FGB: variants seen among roughly 807,000 people sequenced by gnomAD.
The protein encoded by FGB is beta-fibrinogen.
In FGB, 25 loss-of-function variants were observed where a neutral mutation model predicts 57.9. The ratio of observed to expected loss-of-function variants is 0.43; its 90% CI spans 0.31 to 0.60. The LOEUF is 0.60. Ranked by LOEUF, FGB falls within the 20% of genes least tolerant of loss-of-function variation. FGB has a pLI of 0.08. For synonymous variants in FGB, 203 were observed against 199.2 expected (o/e 1.02, Z -0.16); for missense variants, 536 against 598.4 (o/e 0.90, Z 1.09).
intron 7 of FGB, 27 bp downstream of exon 7, chr4:154,569,826 T>C: frequency 6.2e-7 from 1 of 1,613,080 alleles, no homozygotes; most frequent in South Asian, 1.1e-5. Flanking sequence ...TTGCTCCTGC[T>C]TTAAAAATCA....
chr4:154,568,339 A>G (rs779044500), intron 4 of FGB, 42 bp from the exon 5 acceptor site: 1 of 1,007,840 alleles, frequency 9.9e-7, no homozygotes. Flanking sequence ...CAAAGTAATT[A>G]TGTCATAAAC....
Position 154,566,013 on chromosome 4 carries a change from T to C in FGB, c.306+14T>C, listed in dbSNP as rs758050082. 20 of 1,610,798 alleles carry C rather than the reference T, an allele frequency of 1.2e-5. No homozygotes were observed. The Admixed American group carries it at 2.2e-4, about 17-fold the overall frequency. On this transcript the variant is annotated intron_variant, in intron 2 of 7. Coordinates refer to ENST00000302068, the MANE Select transcript of FGB (RefSeq NM_005141.5). The stretch of plus-strand genomic sequence containing the variant: ...GACCCAGACCTGGTGGGTGCACTGA[T>C]GTTTCTTGCAGTGGTGGCTCTCTCA...
intron 6 of FGB, 70 bp downstream of exon 6, chr4:154,569,377 A>G: frequency 6.2e-7 from 1 of 1,603,648 alleles, no homozygotes; most frequent in Non-Finnish European, 8.5e-7. Context: ...AAAAACATTC[A>G]TTGTTGGAAG....
In FGB at chr4:154,566,287, A is replaced by G. The variant is rs562550745; in HGVS notation, c.307-202A>G. On this transcript the variant is annotated intron_variant, in intron 2 of 7. Coordinates refer to ENST00000302068, the MANE Select transcript of FGB (RefSeq NM_005141.5). ...TAGTTGGTAAAATTTTCATAGCCCAATTATATTTTTTCTGGGGTAAGTAAT... is the reference window on the plus strand; with the variant it reads ...TAGTTGGTAAAATTTTCATAGCCCAGTTATATTTTTTCTGGGGTAAGTAAT... 9.9e-5 allele frequency among the ~76,000 whole-genome samples: 15 copies of G among 152,266 alleles called. No homozygotes were observed. In the East Asian group the frequency reaches 1.2e-3, roughly 12 times the overall value.
chr4:154,568,695 A>C (rs915259068), intron 5 of FGB, among the ~76,000 whole-genome samples: 15 of 68,906 alleles, frequency 2.2e-4, no homozygotes, highest in African/African-American at 8.5e-4. Context: ...AAAAAAAAAA[A>C]ATACCAAAAA....
chr4:154,568,414 C>T lies in FGB; in HGVS notation c.752C>T (p.Thr251Ile), dbSNP rs776988939. 18 of 1,605,306 alleles carry T rather than the reference C, an allele frequency of 1.1e-5. No individual in the cohort carries two copies. The East Asian group carries it at 3.3e-4, about 30-fold the overall frequency. Residue 251 changes from threonine (T) to isoleucine (I), a missense_variant, in exon 5 of 8, where the codon ACA (threonine) becomes ATA (isoleucine). Around this residue, in one of 3 missense-constraint regions of FGB, gnomAD observed 354 missense variants for 383.4 expected, o/e 0.92. Coordinates refer to ENST00000302068, the MANE Select transcript of FGB (RefSeq NM_005141.5). ...CEEIIRKGGE[T>I]SEMYLIQPDS... ...GAAATTATCAGGAAAGGAGGTGAAACATCTGAAATGTATCTCATTCAACCT... is the reference window on the plus strand; with the variant it reads ...GAAATTATCAGGAAAGGAGGTGAAATATCTGAAATGTATCTCATTCAACCT...
At chr4:154,567,043 T>C (rs1321647125) in intron 3 of FGB, among the ~76,000 whole-genome samples, 1 of 152,212 alleles carries the variant, frequency 6.6e-6, no homozygotes, top group Non-Finnish European at 1.5e-5. Context: ...TTGTGGATAA[T>C]GACACCTAAC....
At position 154,571,100 on chromosome 4, in the gene FGB, T is replaced by A. The variant is rs183181144; in HGVS notation, c.*450T>A. On this transcript the variant is annotated 3_prime_UTR_variant, in exon 8 of 8. Coordinates refer to ENST00000302068, the MANE Select transcript of FGB (RefSeq NM_005141.5). ...CTGTTGCAATAAGTTAATGTTTTCT[T>A]GTTTTGTAATCCACACATTCAATGA... is the stretch of plus-strand genomic sequence containing the variant. The A allele has an allele frequency of 5.2e-4, 138 of 264,492 alleles. 1 individual carries two copies. The Admixed American group carries it at 6.6e-3, about 13-fold the overall frequency. 16.4% of individuals were successfully genotyped at this position (264,492 alleles called of 1,614,324 possible).
intron 5 of FGB, among the ~76,000 whole-genome samples, chr4:154,568,798 G>C (rs200840305): frequency 1.3e-5 from 2 of 151,364 alleles, no homozygotes; most frequent in East Asian, 3.9e-4. Context: ...ACAACCTGGA[G>C]TCTTGATCAT....
rs566672867 is a variant in FGB at position 154,567,372 on chromosome 4, T to C, written c.491-221T>C. On this transcript the variant is annotated intron_variant, in intron 3 of 7. Coordinates refer to ENST00000302068, the MANE Select transcript of FGB (RefSeq NM_005141.5). ...TTATTACTGGACACAATCTTTAGCGTATACCTATGGTAAATTACTAGTATG... is the reference window on the plus strand; with the variant it reads ...TTATTACTGGACACAATCTTTAGCGCATACCTATGGTAAATTACTAGTATG... 1.3e-4 allele frequency among the ~76,000 whole-genome samples: 20 copies of C among 152,324 alleles called. 1 individual carries two copies. The South Asian group carries it at 2.3e-3, about 17-fold the overall frequency.
chr4:154,564,937 T>C (rs936234952), intron 1 of FGB, among the ~76,000 whole-genome samples: 1 of 152,138 alleles, frequency 6.6e-6, no homozygotes, highest in Non-Finnish European at 1.5e-5. Flanking sequence ...GATAAAGAAA[T>C]CATGTAAGAA....
chr4:154,563,040 A>C lies in FGB; in HGVS notation c.22A>C (p.Ser8Arg), dbSNP rs1194557267. ...CTACATGAAAAGGATGGTTTCTTGG[A>C]GCTTCCACAAACTTAAAACCATGAA... MKRMVSW[S>R]FHKLKTMKHL... Residue 8 changes from serine (S) to arginine (R), a missense_variant, in exon 1 of 8, where the codon AGC becomes CGC. By Grantham distance (110) the Ser-to-Arg change is moderately radical. Around this residue, in one of 3 missense-constraint regions of FGB, gnomAD observed 354 missense variants for 383.4 expected, o/e 0.92. Transcript: ENST00000302068. 2 of 1,560,228 alleles carry C rather than the reference A, an allele frequency of 1.3e-6. No homozygotes were observed. The highest frequency in any genetic ancestry group is 2.7e-5 in the African/African-American group (2 of 73,668).
In FGB at chr4:154,567,806, T is replaced by C; in HGVS notation, c.704T>C (p.Val235Ala). The C allele has an allele frequency of 1.9e-6, 3 of 1,612,564 alleles. No individual in the cohort carries two copies. The highest frequency in any genetic ancestry group is 2.5e-6 in the Non-Finnish European group (3 of 1,178,726). The part of the protein sequence containing the change: ...TPCTVSCNIP[V>A]VSGKECEEII... ...TGCACTGTCAGTTGCAATATTCCTG[T>C]GGTGTCTGGCAAAGGTAACTGATTC... The change falls in exon 4 of 8, where the codon GTG (valine) becomes GCG (alanine). Residue 235 changes from valine to alanine, a missense_variant. Physicochemically the swap from Val to Ala is moderately conservative, Grantham distance 64 (BLOSUM62 0). Coordinates refer to ENST00000302068, the MANE Select transcript of FGB (RefSeq NM_005141.5).
In FGB at chr4:154,570,441, C is replaced by G. The variant is rs1358015344; in HGVS notation, c.1267C>G (p.Gln423Glu). Residue 423 changes from glutamine (Q) to glutamate (E), a missense_variant, in exon 8 of 8, where the codon CAG (glutamine) becomes GAG (glutamate). Physicochemically the swap from Gln to Glu is conservative, Grantham distance 29 (BLOSUM62 2). Transcript: ENST00000302068. Reference sequence around the variant, plus strand: ...CAGGTTAACATCAGATCCCAGAAAACAGTGTTCTAAAGAAGACGGTGGTGG... The same window carrying G: ...CAGGTTAACATCAGATCCCAGAAAAGAGTGTTCTAAAGAAGACGGTGGTGG... ...DGWLTSDPRK[Q>E]CSKEDGGGWW... 5.0e-6 allele frequency: 8 copies of G among 1,613,860 alleles called. No individual in the cohort carries two copies. The highest frequency in any genetic ancestry group is 6.8e-6 in the Non-Finnish European group (8 of 1,179,788).
chr4:154,568,516 A>T (rs1183765720), intron 5 of FGB, 22 bp downstream of exon 5: 5 of 1,228,384 alleles, frequency 4.1e-6, no homozygotes, highest in Non-Finnish European at 6.0e-6. Flanking sequence ...ACAGTTGTTG[A>T]CCTGTTGATC....
At chr4:154,570,291 CTATG>C (rs1477239670) in intron 7 of FGB, 124 bp from the exon 8 acceptor site, 5 of 738,738 alleles carry the variant, frequency 6.8e-6, no homozygotes, top group Non-Finnish European at 1.2e-5. Context: ...TAGTGTGACT[CTATG>C]TATAGCACCC....
chr4:154,565,899 G>A lies in FGB; in HGVS notation c.206G>A (p.Gly69Asp), dbSNP rs958838989. ...CCTGCCCCACCGCCCATCAGTGGAGGTGGCTATCGGGCTCGTCCAGCCAAA... is the reference window on the plus strand; with the variant it reads ...CCTGCCCCACCGCCCATCAGTGGAGATGGCTATCGGGCTCGTCCAGCCAAA... ...LRPAPPPISG[G>D]GYRARPAKAA... Residue 69 changes from glycine (G) to aspartate (D), a missense_variant, in exon 2 of 8, where the codon GGT becomes GAT. Physicochemically the swap from Gly to Asp is moderately conservative, Grantham distance 94 (BLOSUM62 -1). Coordinates refer to ENST00000302068, the MANE Select transcript of FGB (RefSeq NM_005141.5). 1.1e-5 allele frequency: 18 copies of A among 1,614,010 alleles called. No individual in the cohort carries two copies. The highest frequency in any genetic ancestry group is 5.0e-5 in the Admixed American group (3 of 59,994).
At chr4:154,570,350 G>A in intron 7 of FGB, 69 bp from the exon 8 acceptor site, 1 of 1,175,388 alleles carries the variant, frequency 8.5e-7, no homozygotes, top group East Asian at 2.3e-5. Context: ...TCTTTTATGG[G>A]TAATCTGCAA....
Position 154,572,602 on chromosome 4 carries a change from A to G in FGB, c.*1952A>G, listed in dbSNP as rs1399079722. Among the ~76,000 whole-genome samples the G allele has an allele frequency of 2.0e-5, 3 of 152,216 alleles. No individual in the cohort carries two copies. The highest frequency in any genetic ancestry group is 2.9e-5 in the Non-Finnish European group (2 of 68,032). On this transcript the variant is annotated 3_prime_UTR_variant, in exon 8 of 8. Coordinates refer to ENST00000302068, the MANE Select transcript of FGB (RefSeq NM_005141.5). ...AGAAGTGAATCTCTCTGGGTTGGCC[A>G]TTCCCGGATTCCTTAGCTTAGACTC...
Sources: gnomAD v4.1 joint callset for allele counts (sites outside exome capture counted in the v4.1 genomes callset) on GRCh38, gnomAD v4.1.1 for gene constraint, gnomAD v4.1.1 regional missense constraint, MANE v1.5 for transcripts, NCBI Gene and HGNC (gene_info 2026-07-23, HGNC 2026-07-21) for gene names.